The following ATXN2L variants were observed in gnomAD, a reference collection of about 807,000 sequenced individuals.
ATXN2L encodes the protein ataxin 2 like.
ATXN2L carries 24 observed loss-of-function variants against 120.7 expected under a neutral mutation model. The ratio of observed to expected loss-of-function variants is 0.20; its 90% CI spans 0.14 to 0.28. ATXN2L has a LOEUF of 0.28. Ranked by LOEUF, ATXN2L falls within the 10% of genes least tolerant of loss-of-function variation. ATXN2L has a pLI of 1.00. For synonymous variants in ATXN2L, 653 were observed against 568.1 expected (o/e 1.15, Z -2.13); for missense variants, 1,312 against 1,432.3 (o/e 0.92, Z 1.36).
Position 28,830,606 on chromosome 16 carries a change from T to C in ATXN2L, c.1035-9T>C, listed in dbSNP as rs1257439585. 6.4e-7 allele frequency: 1 copy of C among 1,553,252 alleles called. No homozygotes were observed. The highest frequency in any genetic ancestry group is 8.7e-7 in the Non-Finnish European group (1 of 1,150,230). On this transcript the variant is annotated splice_polypyrimidine_tract_variant and intron_variant, in intron 8 of 21. Coordinates refer to ENST00000336783, the MANE Select transcript of ATXN2L (RefSeq NM_007245.4). The stretch of plus-strand genomic sequence containing the variant: ...TGGCTACCTGGCCTTATTTGAACTC[T>C]TTCCTCAGGGAGGGGAAGTATATCC...
Position 28,832,328 on chromosome 16 carries a change from C to T in ATXN2L, c.1445C>T (p.Ser482Leu), listed in dbSNP as rs1375102623. 4.3e-6 allele frequency: 7 copies of T among 1,614,090 alleles called. No homozygotes were observed. The Admixed American group carries it at 5.0e-5, about 12-fold the overall frequency. ...TCTTCAGCCTCCATCCCTGTGACCTCATCAGTCTCAGATCCTGGAGTGGGC... is the reference window on the plus strand; with the variant it reads ...TCTTCAGCCTCCATCCCTGTGACCTTATCAGTCTCAGATCCTGGAGTGGGC... ...PTSSASIPVT[S>L]SVSDPGVGSI... Residue 482 changes from serine (S) to leucine (L), a missense_variant, in exon 11 of 22, where the codon TCA (serine) becomes TTA (leucine). Ser to Leu is a moderately radical substitution (Grantham distance 145). Transcript: ENST00000336783.
chr16:28,836,302 G>A lies in ATXN2L; in HGVS notation c.*37G>A, dbSNP rs751182024. On this transcript the variant is annotated 3_prime_UTR_variant, in exon 22 of 22. Coordinates refer to ENST00000336783, the MANE Select transcript of ATXN2L (RefSeq NM_007245.4). ...GGCAGGGCTGTCCCACAGGGCGCCC[G>A]CCGACCTGCACCTGTCTGTGAAGTA... The A allele has an allele frequency of 8.1e-6, 13 of 1,609,702 alleles. No individual in the cohort carries two copies. Among genetic ancestry groups the A allele is most frequent in the Admixed American group, 3.4e-5 (2 of 59,696 alleles).
chr16:28,833,674 G>A (rs1326006011), intron 15 of ATXN2L, among the ~76,000 whole-genome samples, 166 bp downstream of exon 15: 1 of 151,038 alleles, frequency 6.6e-6, no homozygotes, highest in African/African-American at 2.4e-5. Context: ...GGGCTGGCTT[G>A]GGGAAAATGG....
chr16:28,824,027 G>T (rs1434877996), intron 1 of ATXN2L: 7 of 891,362 alleles, frequency 7.9e-6, no homozygotes, highest in Non-Finnish European at 9.5e-6. Context: ...TTGGGAGCGG[G>T]TTGCTGCCTC....
Position 28,836,115 on chromosome 16 carries a change from C to G in ATXN2L, c.3078C>G (p.His1026Gln). 6.2e-7 allele frequency: 1 copy of G among 1,614,184 alleles called. No individual in the cohort carries two copies. The highest frequency in any genetic ancestry group is 8.5e-7 in the Non-Finnish European group (1 of 1,180,010). ...STPSPYPYIG[H>Q]PQGEQPGQAP... ...CCTCACCCTACCCCTACATCGGACA[C>G]CCCCAAGGTGAGCAGCCTGGCCAGG... Residue 1026 changes from histidine (H) to glutamine (Q), a missense_variant, in exon 22 of 22, where the codon CAC becomes CAG. Physicochemically the swap from His to Gln is conservative, Grantham distance 24. Coordinates refer to ENST00000336783, the MANE Select transcript of ATXN2L (RefSeq NM_007245.4).
chr16:28,823,823 T>G, intron 1 of ATXN2L: 14 of 352,120 alleles, frequency 4.0e-5, no homozygotes, highest in South Asian at 1.4e-4. Context: ...GCGGGGCGCA[T>G]CCCGCCGGCG....
At position 28,837,208 on chromosome 16, in the gene ATXN2L, TAAA is replaced by T. The variant is rs369038578; in HGVS notation, c.*949_*951del. 520 of 168,514 alleles carry T rather than the reference TAAA, an allele frequency of 3.1e-3. 3 individuals are homozygous for T. The highest frequency in any genetic ancestry group is 0.011 in the African/African-American group (460 of 41,712). 10.4% of individuals were successfully genotyped at this position (168,514 alleles called of 1,614,324 possible). A position where few individuals can be genotyped will look rare whatever the true frequency, so the allele number is the denominator to read the frequency against. On this transcript the variant is annotated 3_prime_UTR_variant, in exon 22 of 22. Transcript: ENST00000336783. ...TTACATAAAAATATTAAAAAATAAA[TAAA>T]AAAAATAAAATTTTAAACTAACTTA...
In ATXN2L at chr16:28,832,583, T is replaced by A; in HGVS notation, c.1588+16T>A. 6.2e-7 allele frequency: 1 copy of A among 1,613,034 alleles called. No individual in the cohort carries two copies. Among genetic ancestry groups the A allele is most frequent in the Non-Finnish European group, 8.5e-7 (1 of 1,179,004 alleles). On this transcript the variant is annotated intron_variant, in intron 12 of 21. Transcript: ENST00000336783. ...GCTGGGAAAGGTGAGGGTGGTTTTT[T>A]TTCTGCTGAGGATTAATGCTCCTTT...
intron 6 of ATXN2L, among the ~76,000 whole-genome samples, chr16:28,828,099 T>C (rs986349686): frequency 6.6e-5 from 10 of 152,230 alleles, no homozygotes; most frequent in African/African-American, 2.4e-4. Flanking sequence ...ATTTGTCCTT[T>C]TCCTTAATCA....
At position 28,836,109 on chromosome 16, in the gene ATXN2L, C is replaced by T. The variant is rs771658704; in HGVS notation, c.3072C>T (p.Ile1024=). 3.7e-6 allele frequency: 6 copies of T among 1,614,000 alleles called. No individual in the cohort carries two copies. The highest frequency in any genetic ancestry group is 1.1e-5 in the South Asian group (1 of 91,086). ...CCACACCCTCACCCTACCCCTACAT[C>T]GGACACCCCCAAGGTGAGCAGCCTG... is the stretch of plus-strand genomic sequence containing the variant. ...SASTPSPYPY[I]GHPQGEQPGQ... is the part of the protein sequence containing the mutation. Residue 1024 remains isoleucine, a synonymous_variant, in exon 22 of 22, where the codon ATC becomes ATT. Transcript: ENST00000336783.
Position 28,835,739 on chromosome 16 carries a change from A to C in ATXN2L, c.2876A>C (p.Asn959Thr). ...CAGCAGCTGCCCCACGGCTTCACCA[A>C]CATGGCCCATGTTACCCAGGTAAGA... is the stretch of plus-strand genomic sequence containing the variant. ...HHQQLPHGFTNMAHVTQAHVQ... is the reference protein window; with the variant it reads ...HHQQLPHGFTTMAHVTQAHVQ... Residue 959 changes from asparagine (N) to threonine (T), a missense_variant, in exon 21 of 22, where the codon AAC becomes ACC. Physicochemically the swap from Asn to Thr is moderately conservative, Grantham distance 65. Coordinates refer to ENST00000336783, the MANE Select transcript of ATXN2L (RefSeq NM_007245.4). 6.2e-7 allele frequency: 1 copy of C among 1,614,080 alleles called. No individual in the cohort carries two copies. Among genetic ancestry groups the C allele is most frequent in the Non-Finnish European group, 8.5e-7 (1 of 1,179,978 alleles).
At position 28,834,530 on chromosome 16, in the gene ATXN2L, A is replaced by G; in HGVS notation, c.2270A>G (p.Asp757Gly). The G allele has an allele frequency of 6.2e-7, 1 of 1,610,780 alleles. No homozygotes were observed. Residue 757 changes from aspartate (D) to glycine (G), a missense_variant, in exon 18 of 22, where the codon GAC becomes GGC. By Grantham distance (94) the Asp-to-Gly change is moderately conservative. Coordinates refer to ENST00000336783, the MANE Select transcript of ATXN2L (RefSeq NM_007245.4). The stretch of plus-strand genomic sequence containing the variant: ...GGCTCCCTTCCTCCGCAGCGCTCGG[A>G]CCAACACCAGCCAGCCTCAGCCCCG... Reference protein sequence around the residue: ...AKGSLPPQRSDQHQPASAPPM... With the variant: ...AKGSLPPQRSGQHQPASAPPM...
In ATXN2L at chr16:28,836,835, C is replaced by A. The variant is rs1360387801; in HGVS notation, c.*570C>A. ...GAGTGGAGGGAAGAGTGATCTATGT[C>A]TCTTCCCCCAGCAGCTCGGACCACT... is the stretch of plus-strand genomic sequence containing the variant. On this transcript the variant is annotated 3_prime_UTR_variant, in exon 22 of 22. Transcript: ENST00000336783. 6.2e-7 allele frequency: 1 copy of A among 1,607,570 alleles called. No individual in the cohort carries two copies. The highest frequency in any genetic ancestry group is 1.1e-5 in the South Asian group (1 of 90,838).
In ATXN2L at chr16:28,823,218, C is replaced by CGGGG; in HGVS notation, c.-42_-41insGGGG. 7.8e-7 allele frequency: 1 copy of CGGGG among 1,274,352 alleles called. No homozygotes were observed. Among genetic ancestry groups the CGGGG allele is most frequent in the Non-Finnish European group, 1.0e-6 (1 of 983,854 alleles). The allele number at this position is 1,274,352 out of a possible 1,614,324, so 78.9% of individuals were successfully genotyped here. Reference sequence around the variant, plus strand: ...CGGGGCCCCAGCCCCGGCCCCCTCTCTCCCTCCCTTCTCTCTAATTCCCCT... The same window carrying CGGGG: ...CGGGGCCCCAGCCCCGGCCCCCTCTCGGGGTCCCTCCCTTCTCTCTAATTCCCCT... On this transcript the variant is annotated 5_prime_UTR_variant, in exon 1 of 22. Transcript: ENST00000336783.
Position 28,832,329 on chromosome 16 carries a change from A to G in ATXN2L, c.1446A>G (p.Ser482=), listed in dbSNP as rs1020375675. The G allele has an allele frequency of 6.2e-6, 10 of 1,613,896 alleles. No homozygotes were observed. The highest frequency in any genetic ancestry group is 8.5e-6 in the Non-Finnish European group (10 of 1,180,010). Residue 482 remains serine, a synonymous_variant, in exon 11 of 22, where the codon TCA becomes TCG. Coordinates refer to ENST00000336783, the MANE Select transcript of ATXN2L (RefSeq NM_007245.4). ...PTSSASIPVT[S]SVSDPGVGSI... ...CTTCAGCCTCCATCCCTGTGACCTCATCAGTCTCAGATCCTGGAGTGGGCT... is the reference window on the plus strand; with the variant it reads ...CTTCAGCCTCCATCCCTGTGACCTCGTCAGTCTCAGATCCTGGAGTGGGCT...
At chr16:28,830,209 A>G in intron 8 of ATXN2L, 151 bp downstream of exon 8, 1 of 752,290 alleles carries the variant, frequency 1.3e-6, no homozygotes, top group Non-Finnish European at 1.9e-6. Flanking sequence ...GAGATTATGT[A>G]ATTTGCCTAA....
chr16:28,825,457 G>C, intron 2 of ATXN2L, 55 bp downstream of exon 2: 1 of 1,594,304 alleles, frequency 6.3e-7, no homozygotes, highest in Non-Finnish European at 8.6e-7. Flanking sequence ...GATGCATAAT[G>C]TGGGAATATA....
rs371624251 is a variant in ATXN2L, at chr16:28,828,463, G to A, written c.742-938G>A. On this transcript the variant is annotated intron_variant, in intron 6 of 21. Coordinates refer to ENST00000336783, the MANE Select transcript of ATXN2L (RefSeq NM_007245.4). The stretch of plus-strand genomic sequence containing the variant: ...TAGCTGGGCGTGGTGGCACATGCCC[G>A]TAATCCCAGCTACTCGTGAGGTTGA... Among the ~76,000 whole-genome samples, 4 of 152,088 alleles carry A rather than the reference G, an allele frequency of 2.6e-5. 1 individual carries two copies.
chr16:28,827,812 A>T (rs2052728032), intron 6 of ATXN2L, among the ~76,000 whole-genome samples: 1 of 152,232 alleles, frequency 6.6e-6, no homozygotes, highest in Non-Finnish European at 1.5e-5. Context: ...GCTACTCAGG[A>T]GGCTGAGGTA....
Sources: gnomAD v4.1 joint callset for allele counts (sites outside exome capture counted in the v4.1 genomes callset) on GRCh38, gnomAD v4.1.1 for gene constraint, MANE v1.5 for transcripts, NCBI Gene and HGNC (gene_info 2026-07-23, HGNC 2026-07-21) for gene names.